Variants in NKAIN1 observed in about 807,000 individuals in gnomAD.
The protein encoded by NKAIN1 is sodium/potassium-transporting ATPase subunit beta-1-interacting protein 1.
NKAIN1 carries 13 observed loss-of-function variants against 31.6 expected under a neutral mutation model. The observed-to-expected ratio is 0.41, with a 90% CI of 0.27 to 0.65. The LOEUF (loss-of-function observed/expected upper bound fraction) is 0.65. NKAIN1 is among the 30% of genes least tolerant of loss of function. The pLI is 0.30. For missense variants in NKAIN1, 193 were observed against 262.2 expected, an observed-to-expected ratio of 0.74 and a Z score of 1.82; for synonymous variants, 104 against 109.0, an observed-to-expected ratio of 0.95 and a Z score of 0.28.
chr1:31,188,163 A>T lies in NKAIN1; in HGVS notation c.79T>A (p.Phe27Ile). The change falls in exon 2 of 7, where the codon TTT becomes ATT. Residue 27 changes from phenylalanine (F) to isoleucine (I), a missense_variant. Coordinates refer to ENST00000373736, the MANE Select transcript of NKAIN1 (RefSeq NM_024522.3). ...QLVAALERQI[F>I]DFLGYQWAPI... is the part of the protein sequence containing the mutation. Reference sequence around the variant, plus strand: ...GCCCACTGGTAGCCCAGGAAGTCAAAGATCTGCCGCTCCAGCGCAGCCACC... The same window carrying T: ...GCCCACTGGTAGCCCAGGAAGTCAATGATCTGCCGCTCCAGCGCAGCCACC... The T allele has an allele frequency of 2.6e-6, 4 of 1,551,680 alleles. No individual in the cohort carries two copies. Among genetic ancestry groups the T allele is most frequent in the Non-Finnish European group, 3.5e-6 (4 of 1,146,956 alleles).
rs1017857151 is a variant in NKAIN1 at position 31,181,089 on chromosome 1, T to G, written c.*614A>C. On this transcript the variant is annotated 3_prime_UTR_variant, in exon 7 of 7. Transcript: ENST00000373736. ...GCCTCAGTTTTAATGTACTGCAAAA[T>G]GAGAATTTTAATCCCAGTCTAGCTC... The G allele has an allele frequency of 6.6e-6, 1 of 152,186 alleles. No homozygotes were observed. The highest frequency in any genetic ancestry group is 2.4e-5 in the African/African-American group (1 of 41,428). The allele number at this position is 152,186 out of a possible 1,614,324, so 9.4% of individuals were successfully genotyped here. A position where few individuals can be genotyped will look rare whatever the true frequency, so the allele number is the denominator to read the frequency against.
At chr1:31,216,155 G>A (rs1389651648) in intron 1 of NKAIN1, among the ~76,000 whole-genome samples, 4 of 151,644 alleles carry the variant, frequency 2.6e-5, no homozygotes, top group Admixed American at 6.6e-5. Flanking sequence ...AGAGGAGCAC[G>A]GGGGAACGGA....
Position 31,214,381 on chromosome 1 carries a change from A to G in NKAIN1, c.54+25113T>C, listed in dbSNP as rs1029495707. ...GTGGTGATGGCTGCACAACTTTATG[A>G]ATACACTGAAAACCACTGAATTGTA... On this transcript the variant is annotated intron_variant, in intron 1 of 6. Coordinates refer to ENST00000373736, the MANE Select transcript of NKAIN1 (RefSeq NM_024522.3). Among the ~76,000 whole-genome samples, 9 of 152,122 alleles carry G rather than the reference A, an allele frequency of 5.9e-5. 1 individual carries two copies. Among genetic ancestry groups the G allele is most frequent in the Admixed American group, 5.9e-4 (9 of 15,262 alleles).
At chr1:31,236,420 G>A (rs1239763552) in intron 1 of NKAIN1, among the ~76,000 whole-genome samples, 3 of 152,180 alleles carry the variant, frequency 2.0e-5, no homozygotes, top group Non-Finnish European at 4.4e-5. Context: ...TAAGTTTTCA[G>A]CTGAAAGATA....
intron 1 of NKAIN1, among the ~76,000 whole-genome samples, chr1:31,201,943 T>C (rs1358536348): frequency 6.6e-6 from 1 of 152,186 alleles, no homozygotes; most frequent in Non-Finnish European, 1.5e-5. Flanking sequence ...ATCCCCTGAC[T>C]GCCATCTGCC....
rs141730431 is a variant in NKAIN1, at chr1:31,200,082, C to T, written c.55-11895G>A. Among the ~76,000 whole-genome samples, 1,189 of 152,280 alleles carry T rather than the reference C, an allele frequency of 7.8e-3. 20 individuals are homozygous for T. The highest frequency in any genetic ancestry group is 0.023 in the African/African-American group (963 of 41,556). ...GCACGCGCACGCACGAACACATGCG[C>T]GCACACGCATTCACACACACGCACG... On this transcript the variant is annotated intron_variant, in intron 1 of 6. Coordinates refer to ENST00000373736, the MANE Select transcript of NKAIN1 (RefSeq NM_024522.3).
rs1553163597 is a variant in NKAIN1, at chr1:31,218,068, C to CTTT, written c.54+21423_54+21425dup. 1.9e-3 allele frequency among the ~76,000 whole-genome samples: 253 copies of CTTT among 132,982 alleles called. 11 individuals carry two copies. In the East Asian group the frequency reaches 0.034, roughly 18 times the overall value. The allele number at this position is 132,982 out of a possible 152,430, so 87.2% of individuals were successfully genotyped here. A position where few individuals can be genotyped will look rare whatever the true frequency, so the allele number is the denominator to read the frequency against. ...TCTTTCTTTCTTTCTTTCTTTCTTT[C>CTTT]TTTTTTTTTTTTGAGATGGAGTCTC... On this transcript the variant is annotated intron_variant, in intron 1 of 6. Coordinates refer to ENST00000373736, the MANE Select transcript of NKAIN1 (RefSeq NM_024522.3).
intron 1 of NKAIN1, among the ~76,000 whole-genome samples, chr1:31,200,854 T>C (rs75004399): frequency 2.0e-5 from 3 of 151,880 alleles, no homozygotes; most frequent in Non-Finnish European, 2.9e-5. Flanking sequence ...CTTTTTTTTT[T>C]TGACAGTCTC....
chr1:31,231,033 C>T (rs1645644195), intron 1 of NKAIN1, among the ~76,000 whole-genome samples: 1 of 151,948 alleles, frequency 6.6e-6, no homozygotes, highest in South Asian at 2.1e-4. Flanking sequence ...CAGGTGCCCG[C>T]CACCATGCCC....
chr1:31,211,942 A>AAAAACAAAACAAAAC (rs146235053), intron 1 of NKAIN1, among the ~76,000 whole-genome samples: 2 of 151,768 alleles, frequency 1.3e-5, no homozygotes, highest in East Asian at 3.9e-4. Flanking sequence ...ACTCTGTCTC[A>AAAAACAAAACAAAAC]AAAACAAAAC....
At chr1:31,226,352 G>C (rs1025392694) in intron 1 of NKAIN1, among the ~76,000 whole-genome samples, 1 of 151,840 alleles carries the variant, frequency 6.6e-6, no homozygotes, top group Non-Finnish European at 1.5e-5. Flanking sequence ...CCCACTTCTA[G>C]TGACCAAGGT....
At chr1:31,225,184 C>T (rs1289435325) in intron 1 of NKAIN1, among the ~76,000 whole-genome samples, 1 of 150,632 alleles carries the variant, frequency 6.6e-6, no homozygotes, top group African/African-American at 2.5e-5. Flanking sequence ...CCCGCCACCA[C>T]ACCTGGCTAA....
chr1:31,192,735 G>A (rs1057415737), intron 1 of NKAIN1, among the ~76,000 whole-genome samples: 2 of 151,914 alleles, frequency 1.3e-5, no homozygotes, highest in African/African-American at 4.8e-5. Flanking sequence ...ATTTTTTGTA[G>A]AGAACAGGGT....
At chr1:31,225,510 G>T (rs1263276890) in intron 1 of NKAIN1, among the ~76,000 whole-genome samples, 1 of 151,708 alleles carries the variant, frequency 6.6e-6, no homozygotes, top group Non-Finnish European at 1.5e-5. Flanking sequence ...TGTATTTTTA[G>T]TAGAGACAGG....
intron 5 of NKAIN1, 21 bp downstream of exon 5, chr1:31,182,509 C>A: frequency 6.2e-7 from 1 of 1,613,892 alleles, no homozygotes; most frequent in Non-Finnish European, 8.5e-7. Context: ...TTCCCCACTT[C>A]CCCAGGGGCG....
chr1:31,204,251 A>G (rs1389661992), intron 1 of NKAIN1, among the ~76,000 whole-genome samples: 1 of 152,142 alleles, frequency 6.6e-6, no homozygotes, highest in African/African-American at 2.4e-5. Context: ...AGGTCTGAGC[A>G]TAGAGACATG....
rs538834363 is a variant in NKAIN1 at position 31,193,650 on chromosome 1, C to A, written c.55-5463G>T. Reference sequence around the variant, plus strand: ...GGTGGAGGTTGCAGTGAGCTGAGATCGTGCCCTTGCACTCCAGCCTGGGTG... The same window carrying A: ...GGTGGAGGTTGCAGTGAGCTGAGATAGTGCCCTTGCACTCCAGCCTGGGTG... On this transcript the variant is annotated intron_variant, in intron 1 of 6. Coordinates refer to ENST00000373736, the MANE Select transcript of NKAIN1 (RefSeq NM_024522.3). Among the ~76,000 whole-genome samples, 17 of 152,136 alleles carry A rather than the reference C, an allele frequency of 1.1e-4. No homozygotes were observed. The South Asian group carries it at 3.5e-3, about 32-fold the overall frequency.
intron 1 of NKAIN1, among the ~76,000 whole-genome samples, chr1:31,198,951 A>G (rs2148354352): frequency 1.3e-5 from 2 of 152,344 alleles, no homozygotes; most frequent in Middle Eastern, 3.4e-3. Flanking sequence ...GAGAGAAGGT[A>G]GCGTAGGGCC....
At chr1:31,200,937 A>G (rs1273569457) in intron 1 of NKAIN1, among the ~76,000 whole-genome samples, 1 of 151,454 alleles carries the variant, frequency 6.6e-6, no homozygotes, top group African/African-American at 2.4e-5. Context: ...TGGTTCAAGC[A>G]ATTCTCTGCC....
Sources: allele counts gnomAD v4.1 joint callset (sites outside exome capture counted in the v4.1 genomes callset), GRCh38; gene constraint gnomAD v4.1.1; transcripts MANE v1.5; gene names NCBI Gene and HGNC (gene_info 2026-07-23, HGNC 2026-07-21).